Variants in CDK5RAP2 observed in about 807,000 individuals in gnomAD.
CDK5RAP2 encodes the protein CDK5 regulatory subunit associated protein 2.
In CDK5RAP2, 147 loss-of-function variants were observed where a neutral mutation model predicts 232.9. The observed-to-expected ratio is 0.63, with a 90% CI of 0.55 to 0.72. The LOEUF (loss-of-function observed/expected upper bound fraction) is 0.72, where lower values mean the gene tolerates loss of function less well. CDK5RAP2 is among the 30% of genes least tolerant of loss of function. The probability of loss-of-function intolerance (pLI) is 0.00; values close to 1 mark genes in which losing one functional copy is unlikely to be tolerated. For synonymous variants in CDK5RAP2, 833 were observed against 833.7 expected (o/e 1.00, Z 0.01); for missense variants, 2,195 against 2,231.5 (o/e 0.98, Z 0.33).
intron 7 of CDK5RAP2, among the ~76,000 whole-genome samples, 181 bp from the exon 8 acceptor site, chr9:120,530,321 TC>T (rs1246692403): frequency 3.9e-5 from 6 of 152,192 alleles, no homozygotes; most frequent in Admixed American, 6.5e-5. Context: ...CATTAACTGG[TC>T]CCCTGCCTGC....
chr9:120,571,643 T>G, intron 2 of CDK5RAP2: 2 of 373,578 alleles, frequency 5.4e-6, no homozygotes, highest in Non-Finnish European at 1.0e-5. Flanking sequence ...GCAGCTCTCC[T>G]GGGCCTCCAG....
At chr9:120,435,889 T>C (rs1050071602) in intron 25 of CDK5RAP2, among the ~76,000 whole-genome samples, 1 of 152,100 alleles carries the variant, frequency 6.6e-6, no homozygotes. Context: ...CCACCTAATA[T>C]AAATGAAGAA....
chr9:120,508,916 C>T (rs1302196467), intron 12 of CDK5RAP2, among the ~76,000 whole-genome samples: 1 of 152,136 alleles, frequency 6.6e-6, no homozygotes, highest in African/African-American at 2.4e-5. Context: ...TGATTTTATT[C>T]GGTCCTGTAC....
chr9:120,453,823 A>G lies in CDK5RAP2; in HGVS notation c.2426T>C (p.Leu809Ser). 5.6e-6 allele frequency: 9 copies of G among 1,614,202 alleles called. No individual in the cohort carries two copies. Among genetic ancestry groups the G allele is most frequent in the Non-Finnish European group, 7.6e-6 (9 of 1,180,030 alleles). ...TTCTCCAGAAACTTCCTGCTCTGTCAAGAATAGTTGTCCCAGAAGCAGTTC... is the reference window on the plus strand; with the variant it reads ...TTCTCCAGAAACTTCCTGCTCTGTCGAGAATAGTTGTCCCAGAAGCAGTTC... ...VRELLLGQLF[L>S]TEQEVSGEHL... The change falls in exon 21 of 38, where the codon TTG becomes TCG. Residue 809 changes from leucine to serine, a missense_variant. By Grantham distance (145) the Leu-to-Ser change is moderately radical. Coordinates refer to ENST00000349780, the MANE Select transcript of CDK5RAP2 (RefSeq NM_018249.6).
chr9:120,460,596 G>C lies in CDK5RAP2; in HGVS notation c.2178C>G (p.Asp726Glu). The change falls in exon 19 of 38, where the codon GAC becomes GAG. Residue 726 changes from aspartate (D) to glutamate (E), a missense_variant. Physicochemically the swap from Asp to Glu is conservative, Grantham distance 45. Coordinates refer to ENST00000349780, the MANE Select transcript of CDK5RAP2 (RefSeq NM_018249.6). ...GEDDEINFLS[D>E]QHLQQSNEIM... ...CCTCATTACTCTGCTGCAAATGCTGGTCACTCAGGAAATTAATCTCGTCAT... is the reference window on the plus strand; with the variant it reads ...CCTCATTACTCTGCTGCAAATGCTGCTCACTCAGGAAATTAATCTCGTCAT... 1 of 1,614,108 alleles carries C rather than the reference G, an allele frequency of 6.2e-7. No individual in the cohort carries two copies. The highest frequency in any genetic ancestry group is 8.5e-7 in the Non-Finnish European group (1 of 1,180,004).
At chr9:120,395,259 C>G (rs2032360765) in intron 35 of CDK5RAP2, among the ~76,000 whole-genome samples, 1 of 152,198 alleles carries the variant, frequency 6.6e-6, no homozygotes, top group Non-Finnish European at 1.5e-5. Flanking sequence ...ATTGAGATGT[C>G]ATCAAAATGT....
chr9:120,433,633 C>T (rs1017000167), intron 25 of CDK5RAP2, among the ~76,000 whole-genome samples: 6 of 152,242 alleles, frequency 3.9e-5, no homozygotes, highest in Non-Finnish European at 5.9e-5. Flanking sequence ...TTCTCTATGC[C>T]TCAGTTCATC....
rs762210831 is a variant in CDK5RAP2, at chr9:120,470,206, G to A, written c.1873C>T (p.Leu625Phe). 51 of 1,543,180 alleles carry A rather than the reference G, an allele frequency of 3.3e-5. 1 individual carries two copies. In the South Asian group the frequency reaches 5.7e-4, roughly 17 times the overall value. ...IRRREEESFS[L>F]YSDQTSYLSI... ...AGATAAGATGTTTGATCACTATAAA[G>A]TGAAAATGATTCTTCTGCCCAAAAA... is the stretch of plus-strand genomic sequence containing the variant. The change falls in exon 17 of 38, where the codon CTT (leucine) becomes TTT (phenylalanine). Residue 625 changes from leucine (L) to phenylalanine (F), a missense_variant. Physicochemically the swap from Leu to Phe is conservative, Grantham distance 22. Transcript: ENST00000349780.
intron 14 of CDK5RAP2, among the ~76,000 whole-genome samples, chr9:120,484,955 C>T (rs933377411): frequency 1.3e-5 from 2 of 151,912 alleles, no homozygotes; most frequent in African/African-American, 4.8e-5. Context: ...AACTCCTGGC[C>T]TCAAGCAATC....
chr9:120,462,541 T>C lies in CDK5RAP2; in HGVS notation c.2107-1874A>G, dbSNP rs1241355558. The stretch of plus-strand genomic sequence containing the variant: ...TAATAGCAGAATGAATAAACAACTG[T>C]AATACACTCATGCAATGGAATACTA... On this transcript the variant is annotated intron_variant, in intron 18 of 37. Transcript: ENST00000349780. 2.0e-5 allele frequency among the ~76,000 whole-genome samples: 3 copies of C among 151,852 alleles called. No homozygotes were observed. In the East Asian group the frequency reaches 5.8e-4, roughly 29 times the overall value.
At chr9:120,415,225 T>G in intron 27 of CDK5RAP2, 66 bp from the exon 28 acceptor site, 1 of 1,564,292 alleles carries the variant, frequency 6.4e-7, no homozygotes, top group Non-Finnish European at 8.8e-7. Context: ...ATTTATGGAT[T>G]ATGCAGGGAT....
intron 10 of CDK5RAP2, 114 bp from the exon 11 acceptor site, chr9:120,525,192 C>A: frequency 1.2e-6 from 1 of 824,266 alleles, no homozygotes; most frequent in Non-Finnish European, 2.0e-6. Context: ...GCTTTGTAGT[C>A]AGAAGAGATT....
At position 120,402,835 on chromosome 9, in the gene CDK5RAP2, T is replaced by G; in HGVS notation, c.5278A>C (p.Ser1760Arg). The change falls in exon 34 of 38, where the codon AGC (serine) becomes CGC (arginine). Residue 1760 changes from serine to arginine, a missense_variant. Physicochemically the swap from Ser to Arg is moderately radical, Grantham distance 110. Coordinates refer to ENST00000349780, the MANE Select transcript of CDK5RAP2 (RefSeq NM_018249.6). ...GTTCCCAGCTCTTGACTTGTGGAGC[T>G]GGGAGCCTCTTGGGTTTGAATGTCC... ...EMDIQTQEAP[S>R]STSQELGTKG... The G allele has an allele frequency of 6.2e-7, 1 of 1,614,132 alleles. No individual in the cohort carries two copies. Among genetic ancestry groups the G allele is most frequent in the Non-Finnish European group, 8.5e-7 (1 of 1,180,030 alleles).
intron 23 of CDK5RAP2, among the ~76,000 whole-genome samples, chr9:120,443,389 T>A (rs750065415): frequency 2.0e-5 from 3 of 152,222 alleles, no homozygotes; most frequent in Non-Finnish European, 4.4e-5. Flanking sequence ...TGCTGACACA[T>A]GGACGGGTGG....
chr9:120,427,116 T>C (rs939222773), intron 25 of CDK5RAP2, among the ~76,000 whole-genome samples: 3 of 152,166 alleles, frequency 2.0e-5, no homozygotes, highest in Non-Finnish European at 4.4e-5. Context: ...CAGGACACCC[T>C]TCAAATCAGG....
At chr9:120,477,768 G>A (rs191233160) in intron 14 of CDK5RAP2, among the ~76,000 whole-genome samples, 102 of 152,260 alleles carry the variant, frequency 6.7e-4, no homozygotes, top group Non-Finnish European at 1.3e-3. Flanking sequence ...GCTGTTCATC[G>A]TTTTTAAAAC....
In CDK5RAP2 at chr9:120,439,788, G is replaced by A. The variant is rs777814604; in HGVS notation, c.3333C>T (p.Tyr1111=). The part of the protein sequence containing the change: ...ESINTSNETE[Y]LKQKIHDLET... ...CCAAGTCATGGATTTTCTGTTTTAA[G>A]TATTCTGTCTCATTTGAGGTATTAA... Residue 1111 remains tyrosine (Y), a synonymous_variant, in exon 24 of 38, where the codon TAC becomes TAT. Transcript: ENST00000349780. 2 of 1,614,042 alleles carry A rather than the reference G, an allele frequency of 1.2e-6. No individual in the cohort carries two copies. The highest frequency in any genetic ancestry group is 8.5e-7 in the Non-Finnish European group (1 of 1,180,030).
rs746826578 is a variant in CDK5RAP2 at position 120,571,948 on chromosome 9, G to A, written c.127+26C>T. 6 of 1,584,786 alleles carry A rather than the reference G, an allele frequency of 3.8e-6. No individual in the cohort carries two copies. The South Asian group carries it at 6.6e-5, about 18-fold the overall frequency. The stretch of plus-strand genomic sequence containing the variant: ...TCTACTTTCCTTGTTCTTTACTCAA[G>A]AGAATGCCTGGTTTTGTGTACTTAC... On this transcript the variant is annotated intron_variant, in intron 2 of 37. Coordinates refer to ENST00000349780, the MANE Select transcript of CDK5RAP2 (RefSeq NM_018249.6).
chr9:120,468,606 AT>A (rs1470027717), intron 17 of CDK5RAP2, among the ~76,000 whole-genome samples: 1 of 152,248 alleles, frequency 6.6e-6, no homozygotes, highest in Non-Finnish European at 1.5e-5. Context: ...GTCTCTCTCC[AT>A]TTTACAATGA....
Sources: gnomAD v4.1 joint callset for allele counts (sites outside exome capture counted in the v4.1 genomes callset) on GRCh38, gnomAD v4.1.1 for gene constraint, MANE v1.5 for transcripts, NCBI Gene and HGNC (gene_info 2026-07-23, HGNC 2026-07-21) for gene names.